LYPD6: variants seen among roughly 807,000 people sequenced by gnomAD.
LYPD6 encodes LY6/PLAUR domain containing 6.
LYPD6 carries 15 observed loss-of-function variants against 22.7 expected under a neutral mutation model. The ratio of observed to expected loss-of-function variants is 0.66; its 90% CI spans 0.44 to 1.02. The LOEUF (loss-of-function observed/expected upper bound fraction) is 1.02, where lower values mean the gene tolerates loss of function less well. Among genes scored for constraint, LYPD6 ranks in the 50% least tolerant of loss-of-function variants. The pLI is 0.00. For synonymous variants in LYPD6, 72 were observed against 77.5 expected, an observed-to-expected ratio of 0.93 and a Z score of 0.37; for missense variants, 189 against 208.4, an observed-to-expected ratio of 0.91 and a Z score of 0.57.
chr2:149,450,004 G>C lies in LYPD6; in HGVS notation c.217+857G>C, dbSNP rs187429103. ...TACTTAACCCAGTGAATGGTATTCT[G>C]CCTCTTGTGGAGGATTGGAAATTGG... On this transcript the variant is annotated intron_variant, in intron 3 of 4. Coordinates refer to ENST00000334166, the MANE Select transcript of LYPD6 (RefSeq NM_194317.5). Among the ~76,000 whole-genome samples, 3 of 152,272 alleles carry C rather than the reference G, an allele frequency of 2.0e-5. No homozygotes were observed. The East Asian group carries it at 5.8e-4, about 29-fold the overall frequency.
intron 1 of LYPD6, among the ~76,000 whole-genome samples, chr2:149,385,077 C>T (rs1028513818): frequency 3.3e-5 from 5 of 152,080 alleles, no homozygotes; most frequent in African/African-American, 7.2e-5. Flanking sequence ...TCAGTAGCTT[C>T]GTGGGACCAT....
chr2:149,464,661 GA>G (rs1681162722), intron 3 of LYPD6, among the ~76,000 whole-genome samples: 1 of 152,176 alleles, frequency 6.6e-6, no homozygotes, highest in African/African-American at 2.4e-5. Flanking sequence ...CAGCAGTCAG[GA>G]TTCCTTGACA....
At chr2:149,474,790 CAG>C (rs1681422883), downstream of LYPD6, among the ~76,000 whole-genome samples, 1 of 152,086 alleles carries the variant, frequency 6.6e-6, no homozygotes, top group African/African-American at 2.4e-5. Flanking sequence ...TTGTTTGAGA[CAG>C]AGTCTCACTC....
chr2:149,331,646 T>TG (rs1165530904), intron 1 of LYPD6, among the ~76,000 whole-genome samples: 9 of 148,608 alleles, frequency 6.1e-5, no homozygotes, highest in East Asian at 2.0e-4. Flanking sequence ...GAGAATTGGG[T>TG]GGGGGGGAAT....
At chr2:149,365,120 C>G (rs1247563903) in intron 1 of LYPD6, among the ~76,000 whole-genome samples, 1 of 152,206 alleles carries the variant, frequency 6.6e-6, no homozygotes, top group African/African-American at 2.4e-5. Context: ...TCTTGAACCA[C>G]TAATTCACAG....
At chr2:149,434,510 A>C (rs367706689) in intron 1 of LYPD6, among the ~76,000 whole-genome samples, 1 of 152,226 alleles carries the variant, frequency 6.6e-6, no homozygotes, top group African/African-American at 2.4e-5. Flanking sequence ...AAGATATAGT[A>C]TACATGACTT....
chr2:149,353,800 T>C (rs1031941696), intron 1 of LYPD6, among the ~76,000 whole-genome samples: 1 of 152,156 alleles, frequency 6.6e-6, no homozygotes, highest in East Asian at 1.9e-4. Flanking sequence ...TGAAACCTTT[T>C]TAAGGCTCTT....
chr2:149,451,984 G>A (rs1680835349), intron 3 of LYPD6, among the ~76,000 whole-genome samples: 1 of 152,212 alleles, frequency 6.6e-6, no homozygotes, highest in Admixed American at 6.5e-5. Context: ...TTTACAGGAA[G>A]AAGAGCTACT....
At chr2:149,375,717 T>C (rs964728422) in intron 1 of LYPD6, among the ~76,000 whole-genome samples, 4 of 152,204 alleles carry the variant, frequency 2.6e-5, no homozygotes, top group African/African-American at 9.7e-5. Context: ...GTGTTGTTAT[T>C]ATTGCTGTTT....
chr2:149,339,880 G>A (rs1454950079), intron 1 of LYPD6, among the ~76,000 whole-genome samples: 1 of 151,992 alleles, frequency 6.6e-6, no homozygotes, highest in East Asian at 1.9e-4. Context: ...GAAAGTATTG[G>A]GTGTAAAATC....
At chr2:149,340,338 T>C (rs1177747846) in intron 1 of LYPD6, among the ~76,000 whole-genome samples, 1 of 152,218 alleles carries the variant, frequency 6.6e-6, no homozygotes, top group Non-Finnish European at 1.5e-5. Flanking sequence ...TACAGAACTT[T>C]AGATAATATA....
At chr2:149,478,914 A>T (rs1681481699), downstream of LYPD6, among the ~76,000 whole-genome samples, 1 of 152,100 alleles carries the variant, frequency 6.6e-6, no homozygotes, top group African/African-American at 2.4e-5. Context: ...AACAAAGGAA[A>T]ATTGACCTAA....
intron 2 of LYPD6, among the ~76,000 whole-genome samples, chr2:149,439,258 G>C (rs1400093239): frequency 6.6e-6 from 1 of 152,152 alleles, no homozygotes; most frequent in African/African-American, 2.4e-5. Flanking sequence ...CCTCTTATCA[G>C]TATAGTCTGG....
At chr2:149,397,495 A>C (rs569598669) in intron 1 of LYPD6, among the ~76,000 whole-genome samples, 1 of 152,232 alleles carries the variant, frequency 6.6e-6, no homozygotes, top group East Asian at 1.9e-4. Context: ...GGAAGAATAC[A>C]CTCTACCTTG....
At chr2:149,402,237 T>C (rs1448906203) in intron 1 of LYPD6, among the ~76,000 whole-genome samples, 1 of 151,238 alleles carries the variant, frequency 6.6e-6, no homozygotes, top group Non-Finnish European at 1.5e-5. Context: ...TGTTTGCGTG[T>C]GTGTGTGTGT....
intron 1 of LYPD6, among the ~76,000 whole-genome samples, chr2:149,355,885 T>A (rs1477975072): frequency 6.6e-6 from 1 of 152,200 alleles, no homozygotes; most frequent in African/African-American, 2.4e-5. Context: ...TGACTTACTC[T>A]CTGTGGACTC....
At chr2:149,398,957 C>T (rs1682489139) in intron 1 of LYPD6, among the ~76,000 whole-genome samples, 1 of 152,158 alleles carries the variant, frequency 6.6e-6, no homozygotes, top group Non-Finnish European at 1.5e-5. Context: ...AGATTACCTC[C>T]AGAGAGGAGG....
At chr2:149,401,340 T>G (rs1682551454) in intron 1 of LYPD6, among the ~76,000 whole-genome samples, 1 of 152,206 alleles carries the variant, frequency 6.6e-6, no homozygotes, top group Admixed American at 6.5e-5. Context: ...AATTTTTCTA[T>G]TCATAATGAA....
At chr2:149,453,122 C>T (rs1680873204) in intron 3 of LYPD6, among the ~76,000 whole-genome samples, 2 of 152,192 alleles carry the variant, frequency 1.3e-5, no homozygotes, top group African/African-American at 4.8e-5. Context: ...ACTTTAATTT[C>T]ATCAGCTACT....
Sources: allele counts gnomAD v4.1 joint callset (sites outside exome capture counted in the v4.1 genomes callset), GRCh38; gene constraint gnomAD v4.1.1; transcripts MANE v1.5; gene names NCBI Gene and HGNC (gene_info 2026-07-23, HGNC 2026-07-21).